KCNT2: variants seen among roughly 807,000 people sequenced by gnomAD.
KCNT2 encodes the protein potassium channel subfamily T member 2.
Under a neutral mutation model 153.8 loss-of-function variants are expected in KCNT2, and 67 were observed. That is an observed-to-expected ratio of 0.44 (90% confidence interval 0.36 to 0.53). The LOEUF is 0.53. Among genes scored for constraint, KCNT2 ranks in the 20% least tolerant of loss-of-function variants. The pLI is 0.00. For synonymous variants in KCNT2, 500 were observed against 458.8 expected (o/e 1.09, Z -1.15); for missense variants, 975 against 1,354.8 (o/e 0.72, Z 4.40).
chr1:196,292,679 C>T (rs547719994), intron 22 of KCNT2, among the ~76,000 whole-genome samples: 6 of 151,854 alleles, frequency 4.0e-5, no homozygotes, highest in Admixed American at 2.6e-4. Context: ...CCTTGGCGGG[C>T]GCCTGTGGTC....
chr1:196,539,499 T>A (rs904416632), intron 1 of KCNT2, among the ~76,000 whole-genome samples: 3 of 152,162 alleles, frequency 2.0e-5, no homozygotes, highest in African/African-American at 7.2e-5. Flanking sequence ...CAAATAATGT[T>A]TTTAACAATG....
chr1:196,439,941 C>A (rs1032284039), intron 8 of KCNT2, among the ~76,000 whole-genome samples: 1 of 151,756 alleles, frequency 6.6e-6, no homozygotes, highest in African/African-American at 2.4e-5. Flanking sequence ...CTAATGCATA[C>A]GGGGCTTAAA....
At chr1:196,511,982 T>C (rs192554832) in intron 1 of KCNT2, among the ~76,000 whole-genome samples, 21 of 152,262 alleles carry the variant, frequency 1.4e-4, no homozygotes, top group African/African-American at 4.8e-4. Context: ...GACTAATTTC[T>C]CATCTCTTAT....
In KCNT2 at chr1:196,525,243, T is replaced by C. The variant is rs538897525; in HGVS notation, c.96-32902A>G. On this transcript the variant is annotated intron_variant, in intron 1 of 27. Transcript: ENST00000294725. ...AAAGCAAATAAAAAAAAAAATCAGT[T>C]GTCTGCACAGCAAATTCCCAGATGG... is the stretch of plus-strand genomic sequence containing the variant. 9.9e-5 allele frequency among the ~76,000 whole-genome samples: 15 copies of C among 152,278 alleles called. No homozygotes were observed. The South Asian group carries it at 3.1e-3, about 32-fold the overall frequency.
chr1:196,561,546 A>C (rs150319785), intron 1 of KCNT2, among the ~76,000 whole-genome samples: 1 of 150,780 alleles, frequency 6.6e-6, no homozygotes, highest in East Asian at 2.0e-4. Context: ...GACAAGTTTC[A>C]ATCAATTTAG....
intron 14 of KCNT2, among the ~76,000 whole-genome samples, chr1:196,346,845 G>A (rs1666183892): frequency 6.6e-6 from 1 of 152,144 alleles, no homozygotes; most frequent in South Asian, 2.1e-4. Context: ...TGGAACCACT[G>A]AGCCCTGTTG....
chr1:196,367,391 A>G (rs1572186699), intron 14 of KCNT2, among the ~76,000 whole-genome samples: 1 of 152,270 alleles, frequency 6.6e-6, no homozygotes, highest in Admixed American at 6.5e-5. Flanking sequence ...GTATGATTCA[A>G]TATATTCCCT....
intron 2 of KCNT2, among the ~76,000 whole-genome samples, chr1:196,491,864 C>G (rs886302957): frequency 5.3e-5 from 8 of 151,976 alleles, no homozygotes; most frequent in African/African-American, 1.7e-4. Context: ...ATTAAACGTT[C>G]CCTTCCCTAA....
At position 196,429,722 on chromosome 1, in the gene KCNT2, TTTCCTATTCG is replaced by T. The variant is rs1317366981; in HGVS notation, c.664_673del (p.Ile223SerfsTer2). The T allele has an allele frequency of 6.2e-7, 1 of 1,608,974 alleles. No individual in the cohort carries two copies. The highest frequency in any genetic ancestry group is 8.5e-7 in the Non-Finnish European group (1 of 1,178,204). On this transcript the variant is annotated frameshift_variant, in exon 9 of 28. Coordinates refer to ENST00000294725, the MANE Select transcript of KCNT2 (RefSeq NM_198503.5). LOFTEE classifies it high-confidence loss of function. ...AAGGGAGTCAAAGAGATTCAGCTTC[TTTCCTATTCG>T]TTCCAGATGTTGGATCCCACAAATG...
chr1:196,350,596 G>C (rs536228591), intron 14 of KCNT2, among the ~76,000 whole-genome samples: 1 of 152,248 alleles, frequency 6.6e-6, no homozygotes, highest in South Asian at 2.1e-4. Context: ...GTAGATTCTG[G>C]ATATTAGCCT....
chr1:196,288,129 A>T (rs559479588), intron 22 of KCNT2, among the ~76,000 whole-genome samples: 39 of 140,400 alleles, frequency 2.8e-4, no homozygotes, highest in East Asian at 7.8e-4. Flanking sequence ...GAAGTAAAAA[A>T]AAATAAATAA....
chr1:196,290,798 T>C (rs979957866), intron 22 of KCNT2, among the ~76,000 whole-genome samples: 2 of 152,102 alleles, frequency 1.3e-5, no homozygotes, highest in African/African-American at 2.4e-5. Context: ...CCTGATTTAT[T>C]GAAATAACTT....
At chr1:196,555,393 C>A (rs2148907665) in intron 1 of KCNT2, among the ~76,000 whole-genome samples, 1 of 151,294 alleles carries the variant, frequency 6.6e-6, no homozygotes, top group South Asian at 2.1e-4. Context: ...AAAGCAATTC[C>A]ATTTACAATA....
intron 25 of KCNT2, chr1:196,273,493 C>T (rs1658264175): frequency 6.5e-7 from 1 of 1,529,766 alleles, no homozygotes; most frequent in Non-Finnish European, 8.8e-7. Context: ...TCGAGACTGA[C>T]ACAACGGGAG....
intron 13 of KCNT2, among the ~76,000 whole-genome samples, chr1:196,383,496 A>C (rs1013357360): frequency 6.6e-6 from 1 of 152,186 alleles, no homozygotes; most frequent in Non-Finnish European, 1.5e-5. Flanking sequence ...TTTGAATAAC[A>C]CTGCATTAGA....
chr1:196,255,509 G>T (rs1656406098), intron 26 of KCNT2, among the ~76,000 whole-genome samples: 1 of 151,810 alleles, frequency 6.6e-6, no homozygotes, highest in Non-Finnish European at 1.5e-5. Context: ...CTTGGAGCTA[G>T]ATGTGTTTGA....
At chr1:196,299,012 G>A (rs561551361) in intron 22 of KCNT2, among the ~76,000 whole-genome samples, 1 of 151,444 alleles carries the variant, frequency 6.6e-6, no homozygotes, top group African/African-American at 2.4e-5. Flanking sequence ...CCATCATTTG[G>A]GAATGGTGAT....
At chr1:196,254,492 A>G (rs1030853967) in intron 26 of KCNT2, among the ~76,000 whole-genome samples, 5 of 151,570 alleles carry the variant, frequency 3.3e-5, no homozygotes, top group Admixed American at 6.6e-5. Flanking sequence ...AAAAAATTAT[A>G]AAAGAAATAA....
intron 12 of KCNT2, among the ~76,000 whole-genome samples, chr1:196,411,059 C>CTCCTTCCTTCCT (rs147825662): frequency 3.1e-4 from 29 of 95,062 alleles, no homozygotes; most frequent in African/African-American, 1.3e-3. Flanking sequence ...CCTCTATTCC[C>CTCCTTCCTTCCT]TCCTTCCTTC....
Sources: gnomAD v4.1 joint callset for allele counts (sites outside exome capture counted in the v4.1 genomes callset) on GRCh38, gnomAD v4.1.1 for gene constraint, MANE v1.5 for transcripts, NCBI Gene and HGNC (gene_info 2026-07-23, HGNC 2026-07-21) for gene names.